Variants in ESRRG observed in about 807,000 individuals in gnomAD.
The protein encoded by ESRRG is estrogen-related receptor gamma.
ESRRG carries 13 observed loss-of-function variants against 44.0 expected under a neutral mutation model. That is an observed-to-expected ratio of 0.30 (90% CI 0.19 to 0.47). The LOEUF (loss-of-function observed/expected upper bound fraction) is 0.47. ESRRG is among the 20% of genes least tolerant of loss of function. ESRRG has a pLI of 1.00. For missense variants in ESRRG, 395 were observed against 580.6 expected, an observed-to-expected ratio of 0.68 and a Z score of 3.29; for synonymous variants, 215 against 214.6, an observed-to-expected ratio of 1.00 and a Z score of -0.02.
intron 2 of ESRRG, among the ~76,000 whole-genome samples, chr1:216,749,752 T>C (rs1235177580): frequency 2.6e-5 from 4 of 152,132 alleles, no homozygotes; most frequent in Non-Finnish European, 4.4e-5. Context: ...GGAAGTATAA[T>C]TACGCAAAGG....
At chr1:216,694,339 G>A (rs933029323) in intron 1 of ESRRG, among the ~76,000 whole-genome samples, 4 of 152,104 alleles carry the variant, frequency 2.6e-5, no homozygotes, top group African/African-American at 4.8e-5. Context: ...AATGTAGGAG[G>A]GGGTGGTGCT....
chr1:217,050,003 C>T (rs765943614), intron 1 of ESRRG, among the ~76,000 whole-genome samples: 144 of 152,332 alleles, frequency 9.5e-4, no homozygotes, highest in Admixed American at 1.8e-3. Flanking sequence ...TATGAGAACA[C>T]TTCACAACAG....
Position 216,866,208 on chromosome 1 carries a change from A to G in ESRRG, c.-14+73374T>C, listed in dbSNP as rs567710910. Among the ~76,000 whole-genome samples, 5 of 152,316 alleles carry G rather than the reference A, an allele frequency of 3.3e-5. No individual in the cohort carries two copies. The South Asian group carries it at 1.0e-3, about 32-fold the overall frequency. ...ATCAAGTAATCAACATATTTATTAA[A>G]CAGTTCTCCATACAAGCCATGTACA... is the stretch of plus-strand genomic sequence containing the variant. On this transcript the variant is annotated intron_variant, in intron 2 of 7. Coordinates refer to the ESRRG transcript ENST00000359162.
At chr1:217,117,210 T>C (rs986728610) in intron 1 of ESRRG, among the ~76,000 whole-genome samples, 3 of 152,190 alleles carry the variant, frequency 2.0e-5, no homozygotes, top group Admixed American at 6.5e-5. Flanking sequence ...AGCTTAGTTA[T>C]ATGTAAGATG....
chr1:216,706,348 C>T (rs892146035), intron 1 of ESRRG, among the ~76,000 whole-genome samples: 7 of 152,134 alleles, frequency 4.6e-5, no homozygotes, highest in African/African-American at 1.7e-4. Context: ...TGACTCAGCT[C>T]ATGTCTGCAG....
At chr1:216,703,447 T>G (rs1218524835) in intron 1 of ESRRG, among the ~76,000 whole-genome samples, 1 of 152,210 alleles carries the variant, frequency 6.6e-6, no homozygotes, top group Non-Finnish European at 1.5e-5. Context: ...CTCTGTCAAC[T>G]TTGTCCTTCT....
intron 1 of ESRRG, among the ~76,000 whole-genome samples, chr1:217,006,949 C>A (rs193070040): frequency 3.3e-5 from 5 of 152,054 alleles, no homozygotes; most frequent in Admixed American, 2.0e-4. Context: ...TTGCCATCAG[C>A]GATAAAGGCT....
At chr1:217,050,332 T>G (rs2085685983) in intron 1 of ESRRG, among the ~76,000 whole-genome samples, 1 of 152,208 alleles carries the variant, frequency 6.6e-6, no homozygotes, top group South Asian at 2.1e-4. Context: ...TGATAAAATA[T>G]AGCCCTTCTC....
chr1:216,944,058 A>G (rs2150001884), intron 1 of ESRRG, among the ~76,000 whole-genome samples: 1 of 152,320 alleles, frequency 6.6e-6, no homozygotes, highest in South Asian at 2.1e-4. Flanking sequence ...TAGTTTTGAG[A>G]GTGGAAAATA....
intron 2 of ESRRG, among the ~76,000 whole-genome samples, chr1:216,666,719 C>T (rs1004723000): frequency 6.6e-6 from 1 of 152,324 alleles, no homozygotes; most frequent in Non-Finnish European, 1.5e-5. Context: ...GTCAGCCACA[C>T]CCGCTTCCTG....
chr1:216,939,370 A>C (rs937460007), intron 2 of ESRRG, among the ~76,000 whole-genome samples: 4 of 133,964 alleles, frequency 3.0e-5, no homozygotes, highest in African/African-American at 5.5e-5. Context: ...AAAAAAAAAA[A>C]CACTTTAAAG....
intron 2 of ESRRG, among the ~76,000 whole-genome samples, chr1:216,735,987 A>AATAT (rs1553555387): frequency 1.5e-5 from 2 of 137,090 alleles, no homozygotes; most frequent in African/African-American, 2.7e-5. Flanking sequence ...CTCAAAAAAA[A>AATAT]ATATATATAT....
At chr1:216,915,001 T>A (rs2060963011) in intron 2 of ESRRG, among the ~76,000 whole-genome samples, 1 of 152,236 alleles carries the variant, frequency 6.6e-6, no homozygotes, top group Non-Finnish European at 1.5e-5. Flanking sequence ...TTGAAGAAAC[T>A]GGAGGGAGAA....
intron 1 of ESRRG, among the ~76,000 whole-genome samples, chr1:217,100,902 G>T (rs139062657): frequency 6.6e-6 from 1 of 152,188 alleles, no homozygotes; most frequent in African/African-American, 2.4e-5. Flanking sequence ...CAGGAGATTT[G>T]GAGGGGACAG....
intron 3 of ESRRG, among the ~76,000 whole-genome samples, chr1:216,601,430 G>C (rs1224590402): frequency 3.3e-5 from 5 of 152,176 alleles, no homozygotes; most frequent in African/African-American, 1.2e-4. Flanking sequence ...AAAGAAAGCT[G>C]GAGGGAGCGC....
chr1:216,741,454 C>T lies in ESRRG; in HGVS notation c.-13-63963G>A, dbSNP rs571605032. 1.9e-4 allele frequency among the ~76,000 whole-genome samples: 29 copies of T among 149,042 alleles called. 1 individual carries two copies. In the South Asian group the frequency reaches 6.0e-3, roughly 31 times the overall value. ...CGCCCCTGCACACACCCCAAAATAC[C>T]CCCCTACACATACACACACACACAT... On this transcript the variant is annotated intron_variant, in intron 2 of 7. Coordinates refer to the ESRRG transcript ENST00000359162.
intron 2 of ESRRG, among the ~76,000 whole-genome samples, chr1:216,910,460 T>C (rs1034105749): frequency 6.6e-6 from 1 of 152,226 alleles, no homozygotes; most frequent in African/African-American, 2.4e-5. Context: ...AGCACTCCAA[T>C]GAATTAAAGA....
chr1:217,096,149 C>G (rs2092419970), intron 1 of ESRRG, among the ~76,000 whole-genome samples: 1 of 152,150 alleles, frequency 6.6e-6, no homozygotes, highest in East Asian at 1.9e-4. Context: ...TTGTACCATA[C>G]ATTTCTGAAA....
intron 1 of ESRRG, among the ~76,000 whole-genome samples, chr1:217,133,631 T>TTCTTTCTCTC (rs1491192210): frequency 1.7e-3 from 102 of 58,452 alleles, no homozygotes; most frequent in Non-Finnish European, 2.4e-3. Flanking sequence ...CTTTCTTTCT[T>TTCTTTCTCTC]TCTCTCTCTC....
Sources: gnomAD v4.1 joint callset for allele counts (sites outside exome capture counted in the v4.1 genomes callset) on GRCh38, gnomAD v4.1.1 for gene constraint, MANE v1.5 for transcripts, NCBI Gene and HGNC (gene_info 2026-07-23, HGNC 2026-07-21) for gene names.